Variants in SAMD13 observed in about 807,000 individuals in gnomAD.
The protein encoded by SAMD13 is sterile alpha motif domain containing 13.
A neutral mutation model predicts 12.4 loss-of-function variants in SAMD13; 9 were observed. That is an observed-to-expected ratio of 0.72 (90% CI 0.44 to 1.26). The LOEUF (loss-of-function observed/expected upper bound fraction) is 1.26, where lower values mean the gene tolerates loss of function less well. Among genes scored for constraint, SAMD13 ranks in the 50% most tolerant of loss-of-function variants. SAMD13 has a pLI of 0.00. For missense variants in SAMD13, 84 were observed against 119.6 expected (o/e 0.70, Z 1.39); for synonymous variants, 46 against 45.4 (o/e 1.01, Z -0.05).
At chr1:84,324,372 G>A (rs1228095380) in intron 2 of SAMD13, among the ~76,000 whole-genome samples, 1 of 152,164 alleles carries the variant, frequency 6.6e-6, no homozygotes, top group African/African-American at 2.4e-5. Context: ...TATTCTTCAT[G>A]TGACTTCTTC....
chr1:84,308,013 C>CT lies in SAMD13; in HGVS notation c.53+4733dup, dbSNP rs374203122. Among the ~76,000 whole-genome samples the CT allele has an allele frequency of 4.9e-3, 742 of 152,186 alleles. 9 individuals are homozygous for CT. The highest frequency in any genetic ancestry group is 0.017 in the African/African-American group (688 of 41,556). On this transcript the variant is annotated intron_variant, in intron 2 of 3. Transcript: ENST00000394834. ...ACCCTCTGCAGACCTCCAGAGTTCT[C>CT]TTTTTTTGTAGCTCTCTCCTCTTCA...
At chr1:84,322,792 C>T (rs1678974843) in intron 2 of SAMD13, among the ~76,000 whole-genome samples, 1 of 152,088 alleles carries the variant, frequency 6.6e-6, no homozygotes, top group African/African-American at 2.4e-5. Context: ...ATTCATGGTA[C>T]ACTGCCAGCA....
At chr1:84,323,380 G>T (rs575965311) in intron 2 of SAMD13, among the ~76,000 whole-genome samples, 1 of 151,944 alleles carries the variant, frequency 6.6e-6, no homozygotes, top group East Asian at 1.9e-4. Context: ...TTTTCTTCTC[G>T]ATGTATATTG....
At chr1:84,300,547 T>C (rs79214179), upstream of SAMD13, among the ~76,000 whole-genome samples, 15,441 of 152,280 alleles carry the variant, frequency 0.1, 1,060 homozygotes, top group Non-Finnish European at 0.14. Flanking sequence ...GTGATAACTT[T>C]TTCCAGGATC....
At chr1:84,316,033 A>G (rs907817156) in intron 2 of SAMD13, among the ~76,000 whole-genome samples, 3 of 152,208 alleles carry the variant, frequency 2.0e-5, no homozygotes, top group African/African-American at 4.8e-5. Context: ...AGAGATATCT[A>G]TTATGTCCTT....
intron 3 of SAMD13, among the ~76,000 whole-genome samples, chr1:84,338,264 T>A (rs1383975163): frequency 2.0e-5 from 3 of 151,686 alleles, no homozygotes; most frequent in Non-Finnish European, 4.4e-5. Context: ...TAAAGACATA[T>A]CCAAGACTGG....
chr1:84,311,346 A>AGAAAAG (rs1553200270), intron 2 of SAMD13, among the ~76,000 whole-genome samples: 2 of 139,748 alleles, frequency 1.4e-5, no homozygotes, highest in African/African-American at 2.7e-5. Flanking sequence ...AAAAAAAAAA[A>AGAAAAG]AAAAGAAAAG....
chr1:84,349,810 CATA>C lies in SAMD13; in HGVS notation c.*39_*41del. On this transcript the variant is annotated 3_prime_UTR_variant, in exon 4 of 4. Transcript: ENST00000394834. ...TTGGGGTCTTCGACCTCAAAAAATA[CATA>C]ATGACATAATTTAGTTTCATGTAAT... The C allele has an allele frequency of 6.3e-7, 1 of 1,580,796 alleles. No individual in the cohort carries two copies. Among genetic ancestry groups the C allele is most frequent in the Non-Finnish European group, 8.6e-7 (1 of 1,163,764 alleles).
At chr1:84,333,629 A>C (rs566636821) in intron 3 of SAMD13, among the ~76,000 whole-genome samples, 12 of 152,132 alleles carry the variant, frequency 7.9e-5, no homozygotes, top group Middle Eastern at 3.2e-3. Flanking sequence ...GTCAGAGACT[A>C]TGGGGTTTTC....
chr1:84,348,859 T>A (rs939733847), intron 3 of SAMD13, among the ~76,000 whole-genome samples: 1 of 152,080 alleles, frequency 6.6e-6, no homozygotes, highest in African/African-American at 2.4e-5. Context: ...AGTTTGAGGA[T>A]CCATTGAGAG....
intron 3 of SAMD13, among the ~76,000 whole-genome samples, chr1:84,343,490 G>A (rs904249176): frequency 4.6e-5 from 7 of 152,306 alleles, no homozygotes; most frequent in Middle Eastern, 3.4e-3. Context: ...TAAAGAAAAC[G>A]TGGTACATAG....
intron 2 of SAMD13, among the ~76,000 whole-genome samples, chr1:84,315,638 G>C (rs1358569142): frequency 1.3e-5 from 2 of 152,120 alleles, no homozygotes; most frequent in Non-Finnish European, 2.9e-5. Context: ...GGACATTTCA[G>C]TTGTTTCCAT....
intron 2 of SAMD13, among the ~76,000 whole-genome samples, chr1:84,310,866 T>G (rs75989427): frequency 6.6e-6 from 1 of 152,114 alleles, no homozygotes; most frequent in African/African-American, 2.4e-5. Context: ...TGTTAGAAAA[T>G]GTATGAAATT....
At chr1:84,299,733 T>A, upstream of SAMD13, 1 of 654,596 alleles carries the variant, frequency 1.5e-6, no homozygotes, top group Non-Finnish European at 2.1e-6. Context: ...AGTTAGAAAC[T>A]AGCTGGTAAG....
upstream of SAMD13, chr1:84,299,734 A>G: frequency 1.6e-6 from 1 of 632,140 alleles, no homozygotes; most frequent in Non-Finnish European, 2.1e-6. Flanking sequence ...GTTAGAAACT[A>G]GCTGGTAAGT....
chr1:84,321,161 C>T (rs1341035616), intron 2 of SAMD13, among the ~76,000 whole-genome samples: 1 of 152,034 alleles, frequency 6.6e-6, no homozygotes, highest in East Asian at 1.9e-4. Flanking sequence ...CTCTTTAACG[C>T]TCATTAAAAA....
chr1:84,334,423 C>T (rs978695332), intron 3 of SAMD13, among the ~76,000 whole-genome samples: 9 of 151,856 alleles, frequency 5.9e-5, no homozygotes, highest in East Asian at 1.9e-4. Flanking sequence ...CATTTCTGAT[C>T]GTATTTATTT....
chr1:84,349,563 CCTTTT>C, intron 3 of SAMD13, 63 bp from the exon 4 acceptor site: 1 of 1,550,762 alleles, frequency 6.4e-7, no homozygotes, highest in Non-Finnish European at 8.7e-7. Context: ...CTCTGAACTT[CCTTTT>C]GTCTTCATTA....
intron 2 of SAMD13, among the ~76,000 whole-genome samples, chr1:84,322,826 T>A (rs1248708490): frequency 1.3e-5 from 2 of 152,176 alleles, no homozygotes; most frequent in African/African-American, 4.8e-5. Flanking sequence ...TTCTTCTCTG[T>A]GGCATTGCTA....
Sources: gnomAD v4.1 joint callset for allele counts (sites outside exome capture counted in the v4.1 genomes callset) on GRCh38, gnomAD v4.1.1 for gene constraint, MANE v1.5 for transcripts, NCBI Gene and HGNC (gene_info 2026-07-23, HGNC 2026-07-21) for gene names.